Variants in MYO5C observed in about 807,000 individuals in gnomAD.
MYO5C encodes the protein myosin VC.
A neutral mutation model predicts 235.7 loss-of-function variants in MYO5C; 194 were observed. That is an observed-to-expected ratio of 0.82 (90% confidence interval 0.73 to 0.93). MYO5C has a LOEUF of 0.93. Ranked by LOEUF, MYO5C falls within the 40% of genes least tolerant of loss-of-function variation. The probability of loss-of-function intolerance (pLI) is 0.00; values close to 1 mark genes in which losing one functional copy is unlikely to be tolerated. For missense variants in MYO5C, 2,038 were observed against 2,127.2 expected, an observed-to-expected ratio of 0.96 and a Z score of 0.82; for synonymous variants, 707 against 754.8, an observed-to-expected ratio of 0.94 and a Z score of 1.04.
intron 21 of MYO5C, 45 bp from the exon 22 acceptor site, chr15:52,237,691 AG>A: frequency 1.3e-6 from 2 of 1,567,130 alleles, no homozygotes; most frequent in Non-Finnish European, 1.7e-6. Flanking sequence ...ATCCAAACAA[AG>A]ATGCTGTTCC....
At chr15:52,207,504 A>G (rs1432930949) in intron 36 of MYO5C, among the ~76,000 whole-genome samples, 1 of 152,224 alleles carries the variant, frequency 6.6e-6, no homozygotes, top group East Asian at 1.9e-4. Context: ...CTGGTTATCT[A>G]TATGGAAGAG....
chr15:52,246,515 G>A (rs189638532), intron 16 of MYO5C, among the ~76,000 whole-genome samples: 2 of 152,278 alleles, frequency 1.3e-5, no homozygotes, highest in Admixed American at 1.3e-4. Context: ...CAAGGGACTT[G>A]TTACACCTTA....
chr15:52,280,847 C>G (rs755449272), intron 2 of MYO5C, among the ~76,000 whole-genome samples: 4 of 152,252 alleles, frequency 2.6e-5, no homozygotes, highest in Non-Finnish European at 4.4e-5. Context: ...GAGCCTCACT[C>G]TGAAGCCTGT....
At position 52,222,469 on chromosome 15, in the gene MYO5C, G is replaced by A. The variant is rs183165962; in HGVS notation, c.3627+1075C>T. Reference sequence around the variant, plus strand: ...GGCGGGACAAGAATGCTGGGAGAGCGGGGCGTCCTGGAAGCCAAGAGAACA... The same window carrying A: ...GGCGGGACAAGAATGCTGGGAGAGCAGGGCGTCCTGGAAGCCAAGAGAACA... On this transcript the variant is annotated intron_variant, in intron 29 of 40. Coordinates refer to ENST00000261839, the MANE Select transcript of MYO5C (RefSeq NM_018728.4). 5.7e-3 allele frequency among the ~76,000 whole-genome samples: 871 copies of A among 152,248 alleles called. 28 individuals are homozygous for A. The highest frequency in any genetic ancestry group is 1.5e-3 in the South Asian group (7 of 4,816).
intron 1 of MYO5C, among the ~76,000 whole-genome samples, chr15:52,291,940 C>T (rs1164038257): frequency 6.6e-6 from 1 of 151,534 alleles, no homozygotes; most frequent in Non-Finnish European, 1.5e-5. Context: ...GGGGTTTCAC[C>T]GTGTTAGCCA....
Position 52,223,531 on chromosome 15 carries a change from G to T in MYO5C, c.3627+13C>A, listed in dbSNP as rs2035748662. The T allele has an allele frequency of 6.2e-7, 1 of 1,609,918 alleles. No individual in the cohort carries two copies. Among genetic ancestry groups the T allele is most frequent in the Middle Eastern group, 1.7e-4 (1 of 6,040 alleles). ...ATGATGGCCACGACTGGGGCCCCTG[G>T]CTGAGACCATACCATGTTCTCTGAT... On this transcript the variant is annotated intron_variant, in intron 29 of 40. Coordinates refer to ENST00000261839, the MANE Select transcript of MYO5C (RefSeq NM_018728.4).
At chr15:52,230,737 T>C (rs1300842132) in intron 24 of MYO5C, among the ~76,000 whole-genome samples, 2 of 144,658 alleles carry the variant, frequency 1.4e-5, no homozygotes, top group African/African-American at 5.5e-5. Flanking sequence ...TAACGAACTT[T>C]GTTTCCAGGT....
intron 21 of MYO5C, among the ~76,000 whole-genome samples, chr15:52,239,180 A>G (rs2036157668): frequency 1.3e-5 from 2 of 150,050 alleles, no homozygotes; most frequent in Admixed American, 6.6e-5. Flanking sequence ...CGAAGTCCCA[A>G]CCTCAGGTGA....
At chr15:52,286,301 G>A (rs1266358467) in intron 1 of MYO5C, among the ~76,000 whole-genome samples, 5 of 149,336 alleles carry the variant, frequency 3.3e-5, no homozygotes, top group African/African-American at 5.0e-5. Context: ...CAGCCGCCCC[G>A]TCCGGGAGGG....
intron 5 of MYO5C, among the ~76,000 whole-genome samples, chr15:52,275,156 C>A (rs556690725): frequency 6.6e-6 from 1 of 152,232 alleles, no homozygotes; most frequent in Non-Finnish European, 1.5e-5. Context: ...ATACTTCTCC[C>A]CTGACTGATG....
chr15:52,295,754 C>T lies in MYO5C; in HGVS notation c.-118G>A. On this transcript the variant is annotated 5_prime_UTR_variant, in exon 1 of 41. Coordinates refer to ENST00000261839, the MANE Select transcript of MYO5C (RefSeq NM_018728.4). ...GCCGCGGAAATCACCGCCGGGCCAT[C>T]TTGCCCAAAGTTTTCCAACGGCCTC... 1 of 694,308 alleles carries T rather than the reference C, an allele frequency of 1.4e-6. No individual in the cohort carries two copies. Among genetic ancestry groups the T allele is most frequent in the Non-Finnish European group, 2.1e-6 (1 of 474,798 alleles). 43.0% of individuals were successfully genotyped at this position (694,308 alleles called of 1,614,324 possible).
Position 52,279,682 on chromosome 15 carries a change from C to G in MYO5C, c.139-8G>C, listed in dbSNP as rs1168841683. The G allele has an allele frequency of 6.2e-7, 1 of 1,600,008 alleles. No individual in the cohort carries two copies. The highest frequency in any genetic ancestry group is 1.1e-5 in the South Asian group (1 of 90,588). On this transcript the variant is annotated splice_polypyrimidine_tract_variant and splice_region_variant and intron_variant, in intron 2 of 40. Transcript: ENST00000261839. ...GACAGAATAATCCAGCTCCTATGGA[C>G]AAAGATAAAAATTAAAGCTCTGGAA...
At chr15:52,274,523 C>T (rs2036996049) in intron 5 of MYO5C, among the ~76,000 whole-genome samples, 1 of 152,182 alleles carries the variant, frequency 6.6e-6, no homozygotes, top group Non-Finnish European at 1.5e-5. Context: ...AAGCAATCCA[C>T]CCACCTCAGC....
At chr15:52,215,766 T>C (rs888507573) in intron 32 of MYO5C, among the ~76,000 whole-genome samples, 9 of 152,208 alleles carry the variant, frequency 5.9e-5, no homozygotes, top group African/African-American at 2.2e-4. Context: ...TTTTATAAAA[T>C]TGGGATCATA....
At chr15:52,224,360 TA>T (rs1316006872) in intron 28 of MYO5C, among the ~76,000 whole-genome samples, 1 of 152,214 alleles carries the variant, frequency 6.6e-6, no homozygotes, top group Non-Finnish European at 1.5e-5. Flanking sequence ...TGTCAAAACC[TA>T]CAGAATGTAC....
chr15:52,229,356 G>A (rs56090415), intron 24 of MYO5C, 43 bp from the exon 25 acceptor site: 32,330 of 1,586,810 alleles, frequency 0.02, 374 homozygotes, highest in Non-Finnish European at 0.023. Context: ...TGAGCATGGT[G>A]GCTGAAACCT....
chr15:52,293,038 G>A (rs1265496849), intron 1 of MYO5C, among the ~76,000 whole-genome samples: 1 of 152,240 alleles, frequency 6.6e-6, no homozygotes, highest in East Asian at 1.9e-4. Context: ...GTAGAGCAGA[G>A]AATGCCAGAC....
chr15:52,218,753 T>TAGCAAGTGCTGATATTTCCAAAGA (rs2035610775), intron 31 of MYO5C, 66 bp from the exon 32 acceptor site: 1 of 1,515,762 alleles, frequency 6.6e-7, no homozygotes, highest in African/African-American at 1.4e-5. Context: ...CTCACTGTCA[T>TAGCAAGTGCTGATATTTCCAAAGA]AGCAAGTGCT....
Position 52,239,832 on chromosome 15 carries a change from C to T in MYO5C, c.2604G>A (p.Ala868=), listed in dbSNP as rs769983100. 1.3e-5 allele frequency: 21 copies of T among 1,613,764 alleles called. No homozygotes were observed. The African/African-American group carries it at 1.9e-4, about 14-fold the overall frequency. Residue 868 remains alanine (A), a synonymous_variant, in exon 21 of 41, where the codon GCG becomes GCA. Transcript: ENST00000261839. ...KAVILQKYAR[A]WLARRRFQSI... ...TCTGGAATCTGCGTCTGGCCAGCCA[C>T]GCCCGTGCGTATTTCTGTAGGATCA... is the stretch of plus-strand genomic sequence containing the variant.
Sources: gnomAD v4.1 joint callset for allele counts (sites outside exome capture counted in the v4.1 genomes callset) on GRCh38, gnomAD v4.1.1 for gene constraint, MANE v1.5 for transcripts, NCBI Gene and HGNC (gene_info 2026-07-23, HGNC 2026-07-21) for gene names.